Variants in SIGLECL1 observed in about 807,000 individuals in gnomAD.
SIGLECL1 encodes SIGLEC family-like protein 1.
A neutral mutation model predicts 19.1 loss-of-function variants in SIGLECL1; 16 were observed. The ratio of observed to expected loss-of-function variants is 0.84; its 90% CI spans 0.57 to 1.27. SIGLECL1 has a LOEUF of 1.27. Ranked by LOEUF, SIGLECL1 falls within the 50% of genes most tolerant of loss-of-function variation. The pLI, the probability that SIGLECL1 is intolerant of heterozygous loss-of-function variation, is 0.00. For missense variants in SIGLECL1, 210 were observed against 239.4 expected (o/e 0.88, Z 0.81); for synonymous variants, 89 against 90.4 (o/e 0.98, Z 0.09).
At chr19:51,261,574 C>A (rs368718128) in intron 1 of SIGLECL1, among the ~76,000 whole-genome samples, 1 of 152,210 alleles carries the variant, frequency 6.6e-6, no homozygotes, top group East Asian at 1.9e-4. Context: ...AGGCATGAGC[C>A]ACCGCTCCCG....
chr19:51,247,718 G>A (rs150135301), upstream of SIGLECL1, among the ~76,000 whole-genome samples: 4 of 152,222 alleles, frequency 2.6e-5, no homozygotes, highest in Admixed American at 6.5e-5. Flanking sequence ...GTGTCCGGCC[G>A]TTGCCCAATT....
upstream of SIGLECL1, among the ~76,000 whole-genome samples, chr19:51,249,427 C>A (rs1982367444): frequency 6.6e-6 from 1 of 151,508 alleles, no homozygotes; most frequent in Non-Finnish European, 1.5e-5. Context: ...GGAGTAAGGC[C>A]CTGGAGGGTG....
At chr19:51,267,250 A>T in intron 4 of SIGLECL1, 123 bp from the exon 5 acceptor site, 1 of 1,193,498 alleles carries the variant, frequency 8.4e-7, no homozygotes, top group Non-Finnish European at 1.2e-6. Context: ...GGCTTGCCCT[A>T]GGTCATACAG....
At chr19:51,261,988 A>C (rs1183936533) in intron 1 of SIGLECL1, among the ~76,000 whole-genome samples, 1 of 151,600 alleles carries the variant, frequency 6.6e-6, no homozygotes, top group East Asian at 1.9e-4. Flanking sequence ...CACCCCAAAC[A>C]CTCCACTCAT....
At chr19:51,264,975 G>A (rs966624723) in intron 2 of SIGLECL1, among the ~76,000 whole-genome samples, 1 of 152,168 alleles carries the variant, frequency 6.6e-6, no homozygotes, top group African/African-American at 2.4e-5. Flanking sequence ...AATGATAAGG[G>A]GAGTGACTTG....
intron 1 of SIGLECL1, among the ~76,000 whole-genome samples, chr19:51,260,550 C>A (rs1983137974): frequency 6.6e-6 from 1 of 151,978 alleles, no homozygotes; most frequent in South Asian, 2.1e-4. Flanking sequence ...TTTTTGCATT[C>A]CTTTGTGGCG....
chr19:51,268,544 T>C, intron 5 of SIGLECL1, 27 bp from the exon 6 acceptor site: 1 of 1,613,738 alleles, frequency 6.2e-7, no homozygotes, highest in African/African-American at 1.3e-5. Context: ...TCTTTTTTCT[T>C]TGTTCTATTT....
intron 1 of SIGLECL1, among the ~76,000 whole-genome samples, chr19:51,252,275 C>T (rs1480413764): frequency 6.9e-6 from 1 of 144,408 alleles, no homozygotes; most frequent in East Asian, 2.0e-4. Context: ...CCAGCCTGGG[C>T]AACACAGCGA....
chr19:51,258,673 A>G (rs1982981922), intron 1 of SIGLECL1, among the ~76,000 whole-genome samples: 1 of 152,236 alleles, frequency 6.6e-6, no homozygotes, highest in Admixed American at 6.5e-5. Context: ...TTAGGCTGAA[A>G]TGACAGATGG....
upstream of SIGLECL1, among the ~76,000 whole-genome samples, chr19:51,247,944 C>G (rs889201702): frequency 1.3e-5 from 2 of 152,042 alleles, no homozygotes; most frequent in Non-Finnish European, 2.9e-5. Context: ...CTTTGTTTTC[C>G]AAACTTTTCC....
upstream of SIGLECL1, among the ~76,000 whole-genome samples, chr19:51,249,036 T>C (rs2123362950): frequency 6.6e-6 from 1 of 152,176 alleles, no homozygotes; most frequent in African/African-American, 2.4e-5. Flanking sequence ...GGGACAGAAA[T>C]AGGTAACTTA....
chr19:51,253,828 G>C (rs1428379177), intron 1 of SIGLECL1, among the ~76,000 whole-genome samples: 1 of 152,164 alleles, frequency 6.6e-6, no homozygotes, highest in Admixed American at 6.5e-5. Context: ...GCATGTCTTG[G>C]GGCCAGTCAT....
In SIGLECL1 at chr19:51,257,320, T is replaced by C. The variant is rs140445095; in HGVS notation, c.-191+5775T>C. 2.5e-3 allele frequency among the ~76,000 whole-genome samples: 382 copies of C among 151,806 alleles called. 1 individual carries two copies. Among genetic ancestry groups the C allele is most frequent in the African/African-American group, 8.8e-3 (363 of 41,356 alleles). ...ACTTGGGAGGCTGAGGTGGGAAGATTGCTTGAGCCTGGGAGGTCAAGCCTG... is the reference window on the plus strand; with the variant it reads ...ACTTGGGAGGCTGAGGTGGGAAGATCGCTTGAGCCTGGGAGGTCAAGCCTG... On this transcript the variant is annotated intron_variant, in intron 1 of 5. Coordinates refer to ENST00000601727, the MANE Select transcript of SIGLECL1 (RefSeq NM_001385465.1).
At position 51,267,496 on chromosome 19, in the gene SIGLECL1, C is replaced by G. The variant is rs761206565; in HGVS notation, c.534C>G (p.Pro178=). 6.2e-7 allele frequency: 1 copy of G among 1,614,152 alleles called. No homozygotes were observed. Among genetic ancestry groups the G allele is most frequent in the South Asian group, 1.1e-5 (1 of 91,076 alleles). ...TGAAGCCTGAGGAACCAGGAAAACC[C>G]GTAGTCGCCACATTTTCTGAGAGCC... ...MSLKPEEPGK[P]VVATFSESRI... Residue 178 remains proline (P), a synonymous_variant, in exon 5 of 6, where the codon CCC becomes CCG. Coordinates refer to ENST00000601727, the MANE Select transcript of SIGLECL1 (RefSeq NM_001385465.1).
chr19:51,260,864 C>T (rs1424639542), intron 1 of SIGLECL1, among the ~76,000 whole-genome samples: 3 of 152,194 alleles, frequency 2.0e-5, no homozygotes. Context: ...TAAACGTTCT[C>T]TGTGTGCTTA....
chr19:51,267,074 T>C (rs998823744), intron 4 of SIGLECL1, among the ~76,000 whole-genome samples: 4 of 152,114 alleles, frequency 2.6e-5, no homozygotes, highest in Non-Finnish European at 4.4e-5. Context: ...CAGGGCAAAC[T>C]GAGGAGCTAT....
intron 1 of SIGLECL1, among the ~76,000 whole-genome samples, chr19:51,262,254 C>G (rs76705781): frequency 0.045 from 6,816 of 152,238 alleles, 487 homozygotes; most frequent in African/African-American, 0.15. Flanking sequence ...TTAAAGAATT[C>G]CACTGACCAA....
intron 2 of SIGLECL1, among the ~76,000 whole-genome samples, chr19:51,265,073 A>G (rs1333703313): frequency 1.3e-5 from 2 of 152,174 alleles, no homozygotes. Context: ...AGAGAAGCAG[A>G]GTAGGAGGTC....
rs114737752 is a variant in SIGLECL1 at position 51,265,669 on chromosome 19, G to C, written c.304+20G>C. 2 of 1,610,736 alleles carry C rather than the reference G, an allele frequency of 1.2e-6. No individual in the cohort carries two copies. Among genetic ancestry groups the C allele is most frequent in the East Asian group, 4.5e-5 (2 of 44,842 alleles). ...TGTCAAGTGAGGGTGGAGGGGGCTCGGTGACTGGGTGAGGACAATAAGCGG... is the reference window on the plus strand; with the variant it reads ...TGTCAAGTGAGGGTGGAGGGGGCTCCGTGACTGGGTGAGGACAATAAGCGG... On this transcript the variant is annotated intron_variant, in intron 3 of 5. Transcript: ENST00000601727.
Sources: allele counts gnomAD v4.1 joint callset (sites outside exome capture counted in the v4.1 genomes callset), GRCh38; gene constraint gnomAD v4.1.1; transcripts MANE v1.5; gene names NCBI Gene and HGNC (gene_info 2026-07-23, HGNC 2026-07-21).